The following RFX7 variants were observed in gnomAD, a reference collection of about 807,000 sequenced individuals.
The protein encoded by RFX7 is regulatory factor X7.
Under a neutral mutation model 111.8 loss-of-function variants are expected in RFX7, and 26 were observed. The observed-to-expected ratio is 0.23, with a 90% CI of 0.17 to 0.32. The LOEUF (loss-of-function observed/expected upper bound fraction) is 0.32, where lower values mean the gene tolerates loss of function less well. Among genes scored for constraint, RFX7 ranks in the 10% least tolerant of loss-of-function variants. The pLI is 1.00. For missense variants in RFX7, 1,573 were observed against 1,772.9 expected (o/e 0.89, Z 2.02); for synonymous variants, 624 against 624.4 (o/e 1.00, Z 0.01).
intron 3 of RFX7, among the ~76,000 whole-genome samples, chr15:56,153,367 C>T (rs551282188): frequency 6.6e-6 from 1 of 152,326 alleles, no homozygotes; most frequent in South Asian, 2.1e-4. Flanking sequence ...CCACCATGAT[C>T]AAGTTTGCTT....
chr15:56,196,545 T>C (rs2043147323), intron 2 of RFX7, among the ~76,000 whole-genome samples: 3 of 152,078 alleles, frequency 2.0e-5, no homozygotes, highest in South Asian at 2.1e-4. Flanking sequence ...GTGGATTCAA[T>C]TGTGTGTCCA....
chr15:56,194,840 C>G (rs894830794), intron 2 of RFX7, among the ~76,000 whole-genome samples: 2 of 152,046 alleles, frequency 1.3e-5, no homozygotes, highest in African/African-American at 2.4e-5. Flanking sequence ...TATGGCTGCT[C>G]TTGAAAAACT....
At chr15:56,236,582 A>C (rs1447969585) in intron 2 of RFX7, among the ~76,000 whole-genome samples, 1 of 152,222 alleles carries the variant, frequency 6.6e-6, no homozygotes, top group Non-Finnish European at 1.5e-5. Flanking sequence ...TACAAAGAAC[A>C]TTCTGTCACG....
At chr15:56,097,583 A>C (rs1283609236) in intron 9 of RFX7, among the ~76,000 whole-genome samples, 1 of 151,496 alleles carries the variant, frequency 6.6e-6, no homozygotes, top group Non-Finnish European at 1.5e-5. Flanking sequence ...AATACAAAAC[A>C]CAAAAATACA....
intron 2 of RFX7, among the ~76,000 whole-genome samples, chr15:56,207,274 A>C (rs181934338): frequency 6.6e-6 from 1 of 152,248 alleles, no homozygotes; most frequent in East Asian, 1.9e-4. Context: ...GACTAGAAGG[A>C]GGAGGAAATG....
chr15:56,180,598 T>A (rs2042958622), intron 2 of RFX7, among the ~76,000 whole-genome samples: 1 of 152,016 alleles, frequency 6.6e-6, no homozygotes, highest in Non-Finnish European at 1.5e-5. Flanking sequence ...CCATCTCTCA[T>A]CACCTTGGTC....
At chr15:56,198,721 T>C (rs1207771805) in intron 2 of RFX7, among the ~76,000 whole-genome samples, 7 of 152,208 alleles carry the variant, frequency 4.6e-5, no homozygotes, top group Non-Finnish European at 8.8e-5. Flanking sequence ...ATATGATGTC[T>C]GGGATTCCCT....
intron 2 of RFX7, among the ~76,000 whole-genome samples, chr15:56,231,752 G>A (rs1324568707): frequency 2.0e-5 from 3 of 152,058 alleles, no homozygotes; most frequent in African/African-American, 4.8e-5. Flanking sequence ...TCTTACCCAA[G>A]ACAAGGCAAA....
intron 5 of RFX7, among the ~76,000 whole-genome samples, chr15:56,104,825 C>G (rs1222988237): frequency 2.6e-5 from 4 of 151,772 alleles, no homozygotes; most frequent in Admixed American, 6.6e-5. Context: ...AAGGAGTAGC[C>G]CAGCAAACAC....
At position 56,127,948 on chromosome 15, in the gene RFX7, G is replaced by C. The variant is rs1044937668; in HGVS notation, c.401+14830C>G. On this transcript the variant is annotated intron_variant, in intron 5 of 9. Transcript: ENST00000559447. ...AACTAAAATCATGAATGAAAACGGA[G>C]GTATTAACTACTGACTTTGAATAAA... is the stretch of plus-strand genomic sequence containing the variant. Among the ~76,000 whole-genome samples, 8 of 149,676 alleles carry C rather than the reference G, an allele frequency of 5.3e-5. No homozygotes were observed. In the East Asian group the frequency reaches 1.6e-3, roughly 29 times the overall value.
chr15:56,195,776 A>G (rs1415796882), intron 2 of RFX7, among the ~76,000 whole-genome samples: 2 of 152,128 alleles, frequency 1.3e-5, no homozygotes, highest in Non-Finnish European at 2.9e-5. Flanking sequence ...CATTATTTCC[A>G]CTTGTTTCTA....
chr15:56,102,327 A>T, intron 6 of RFX7, 74 bp from the exon 7 acceptor site: 1 of 813,130 alleles, frequency 1.2e-6, no homozygotes, highest in Non-Finnish European at 1.9e-6. Flanking sequence ...AAAAGTAACC[A>T]TATATGAAAT....
rs764737402 is a variant in RFX7, at chr15:56,096,588, C to A, written c.1140G>T (p.Pro380=). ...VQRTRQLVTS[P]SPMSSSDGKV... ...TGCCGTCAGAAGAACTCATTGGACT[C>A]GGTGAAGTTACCAATTGCCTAGTCC... is the stretch of plus-strand genomic sequence containing the variant. Residue 380 remains proline (P), a synonymous_variant, in exon 10 of 10, where the codon CCG becomes CCT. Coordinates refer to ENST00000559447, the MANE Select transcript of RFX7 (RefSeq NM_022841.7). 2 of 1,592,148 alleles carry A rather than the reference C, an allele frequency of 1.3e-6. No homozygotes were observed. The highest frequency in any genetic ancestry group is 8.6e-7 in the Non-Finnish European group (1 of 1,168,728).
chr15:56,243,063 A>ATTT, intron 2 of RFX7, 62 bp downstream of exon 2: 1 of 543,640 alleles, frequency 1.8e-6, no homozygotes, highest in Non-Finnish European at 3.1e-6. Flanking sequence ...GCCGCCCCCC[A>ATTT]CCCACTTTGC....
intron 5 of RFX7, among the ~76,000 whole-genome samples, chr15:56,116,149 A>ACTC (rs1392568535): frequency 6.6e-6 from 1 of 152,140 alleles, no homozygotes; most frequent in East Asian, 1.9e-4. Context: ...ACATTTCTGA[A>ACTC]CTCATGTTAG....
At chr15:56,098,011 C>G in intron 9 of RFX7, 70 bp downstream of exon 9, 2 of 1,437,782 alleles carry the variant, frequency 1.4e-6, no homozygotes, top group Non-Finnish European at 1.9e-6. Context: ...TTCTTTTCAT[C>G]TGCCACTTTT....
intron 3 of RFX7, among the ~76,000 whole-genome samples, chr15:56,159,568 G>C (rs574669590): frequency 1.4e-3 from 208 of 152,298 alleles, no homozygotes; most frequent in Non-Finnish European, 2.3e-3. Flanking sequence ...TGTGCTACTA[G>C]AGAGAAAGAA....
intron 2 of RFX7, among the ~76,000 whole-genome samples, chr15:56,186,990 A>T (rs1401757574): frequency 1.3e-5 from 2 of 152,156 alleles, no homozygotes; most frequent in African/African-American, 4.8e-5. Flanking sequence ...CAGTTTCCTG[A>T]ACTAACACCT....
intron 5 of RFX7, among the ~76,000 whole-genome samples, chr15:56,140,592 G>A (rs955661665): frequency 3.3e-5 from 5 of 152,096 alleles, no homozygotes; most frequent in East Asian, 1.9e-4. Flanking sequence ...CACTCAGGCC[G>A]GAGCTGTTCC....
Sources: allele counts gnomAD v4.1 joint callset (sites outside exome capture counted in the v4.1 genomes callset), GRCh38; gene constraint gnomAD v4.1.1; transcripts MANE v1.5; gene names NCBI Gene and HGNC (gene_info 2026-07-23, HGNC 2026-07-21).